BTLA: variants seen among roughly 807,000 people sequenced by gnomAD.
BTLA encodes B- and T-lymphocyte attenuator.
Under a neutral mutation model 25.0 loss-of-function variants are expected in BTLA, and 11 were observed. The observed-to-expected ratio is 0.44, with a 90% CI of 0.28 to 0.73. The LOEUF is 0.73. BTLA is among the 30% of genes least tolerant of loss of function. The pLI is 0.15. For synonymous variants in BTLA, 104 were observed against 119.8 expected, an observed-to-expected ratio of 0.87 and a Z score of 0.86; for missense variants, 282 against 332.8, an observed-to-expected ratio of 0.85 and a Z score of 1.19.
chr3:112,490,604 AACACACACACACAC>A (rs55894234), intron 1 of BTLA, among the ~76,000 whole-genome samples: 5 of 142,258 alleles, frequency 3.5e-5, no homozygotes, highest in Non-Finnish European at 7.7e-5. Flanking sequence ...TCCCTGGGTA[AACACACACACACAC>A]ACACACACAC....
At chr3:112,490,627 ACAC>A (rs2107335628) in intron 1 of BTLA, among the ~76,000 whole-genome samples, 1 of 151,848 alleles carries the variant, frequency 6.6e-6, no homozygotes, top group Admixed American at 6.6e-5. Context: ...ACACACACAC[ACAC>A]ACACACACAC....
Position 112,465,237 on chromosome 3 carries a change from A to C in BTLA, c.*871T>G, listed in dbSNP as rs550676583. On this transcript the variant is annotated 3_prime_UTR_variant, in exon 5 of 5. Coordinates refer to ENST00000334529, the MANE Select transcript of BTLA (RefSeq NM_181780.4). ...TCCTCCATTCCATTAATTGCACTTT[A>C]ACTTGCTATCAAGTCAAGCATGAAG... is the stretch of plus-strand genomic sequence containing the variant. 29 of 152,768 alleles carry C rather than the reference A, an allele frequency of 1.9e-4. No homozygotes were observed. The highest frequency in any genetic ancestry group is 6.7e-4 in the African/African-American group (28 of 41,572). 9.5% of individuals were successfully genotyped at this position (152,768 alleles called of 1,614,324 possible).
intron 1 of BTLA, 60 bp downstream of exon 1, chr3:112,499,211 A>AT: frequency 8.4e-7 from 1 of 1,191,564 alleles, no homozygotes; most frequent in South Asian, 1.2e-5. Context: ...GCAAGGGAGA[A>AT]TGTTGCCTCC....
chr3:112,469,262 A>T (rs549564680), intron 4 of BTLA, among the ~76,000 whole-genome samples: 1 of 152,252 alleles, frequency 6.6e-6, no homozygotes, highest in East Asian at 1.9e-4. Context: ...CCTCTGTGTA[A>T]TAACTAAGCC....
intron 3 of BTLA, 95 bp downstream of exon 3, chr3:112,471,117 G>C: frequency 7.3e-7 from 1 of 1,377,930 alleles, no homozygotes; most frequent in Non-Finnish European, 9.7e-7. Context: ...GATTGGGAAA[G>C]AAAACAACAG....
chr3:112,470,550 TCTCTATGCTTTC>T (rs1160645717), intron 3 of BTLA: 2 of 152,196 alleles, frequency 1.3e-5, no homozygotes, highest in African/African-American at 4.8e-5. Flanking sequence ...AGATCAGAAT[TCTCTATGCTTTC>T]CTCTCTTACT....
chr3:112,493,514 GT>G (rs35165184), intron 1 of BTLA, among the ~76,000 whole-genome samples: 1 of 151,142 alleles, frequency 6.6e-6, no homozygotes, highest in South Asian at 2.1e-4. Flanking sequence ...AGTTCTCTCT[GT>G]TTTTTTTTGG....
intron 4 of BTLA, among the ~76,000 whole-genome samples, chr3:112,467,810 G>T (rs2082238303): frequency 6.6e-6 from 1 of 152,176 alleles, no homozygotes; most frequent in African/African-American, 2.4e-5. Context: ...TCAGTAGGTG[G>T]CACACTAAAG....
At chr3:112,481,301 C>A (rs543847499) in intron 1 of BTLA, among the ~76,000 whole-genome samples, 2 of 152,302 alleles carry the variant, frequency 1.3e-5, no homozygotes, top group African/African-American at 4.8e-5. Flanking sequence ...CTTCCTGGGC[C>A]CTCAGGCTGT....
chr3:112,466,220 G>C lies in BTLA; in HGVS notation c.758C>G (p.Pro253Arg), dbSNP rs1210528115. Reference sequence around the variant, plus strand: ...GTTCAGGGAAGCATAAACAATGCCTGGTTTGTTTTCTTCCAGGCATGGATT... The same window carrying C: ...GTTCAGGGAAGCATAAACAATGCCTCGTTTGTTTTCTTCCAGGCATGGATT... ...YSNPCLEENK[P>R]GIVYASLNHS... Residue 253 changes from proline (P) to arginine (R), a missense_variant, in exon 5 of 5, where the codon CCA (proline) becomes CGA (arginine). Coordinates refer to ENST00000334529, the MANE Select transcript of BTLA (RefSeq NM_181780.4). 1.9e-6 allele frequency: 3 copies of C among 1,613,952 alleles called. No homozygotes were observed. The highest frequency in any genetic ancestry group is 2.5e-6 in the Non-Finnish European group (3 of 1,179,920).
At chr3:112,484,755 G>A (rs1208009259) in intron 1 of BTLA, among the ~76,000 whole-genome samples, 2 of 152,184 alleles carry the variant, frequency 1.3e-5, no homozygotes, top group Non-Finnish European at 2.9e-5. Context: ...TTTTGTGTTG[G>A]TGGCATCACT....
At chr3:112,483,722 C>T (rs2082330770) in intron 1 of BTLA, among the ~76,000 whole-genome samples, 1 of 151,750 alleles carries the variant, frequency 6.6e-6, no homozygotes, top group Non-Finnish European at 1.5e-5. Flanking sequence ...AATCCCAGCA[C>T]TTTGGGAGGC....
At chr3:112,494,454 C>T (rs990632055) in intron 1 of BTLA, among the ~76,000 whole-genome samples, 5 of 152,102 alleles carry the variant, frequency 3.3e-5, no homozygotes, top group Admixed American at 6.5e-5. Context: ...CACATGCACA[C>T]GTATGTTTAT....
At position 112,466,375 on chromosome 3, in the gene BTLA, A is replaced by G. The variant is rs1459052695; in HGVS notation, c.603T>C (p.Ala201=). The G allele has an allele frequency of 5.7e-6, 9 of 1,587,260 alleles. No individual in the cohort carries two copies. The highest frequency in any genetic ancestry group is 6.9e-6 in the Non-Finnish European group (8 of 1,164,522). Residue 201 remains alanine, a synonymous_variant, in exon 5 of 5, where the codon GCT becomes GCC. Coordinates refer to ENST00000334529, the MANE Select transcript of BTLA (RefSeq NM_181780.4). ...TAGREINLVD[A]HLKSEQTEAS... ...CTTCTGTTTGCTCACTCTTAAGGTG[A>G]GCATCAACCTACAATAGAAAAAAAG...
intron 1 of BTLA, among the ~76,000 whole-genome samples, chr3:112,486,971 A>G (rs924731588): frequency 9.2e-5 from 14 of 152,210 alleles, no homozygotes; most frequent in Non-Finnish European, 1.9e-4. Context: ...GTAGTACCAC[A>G]GAGATGAGGA....
At chr3:112,477,518 C>A (rs947047655) in intron 2 of BTLA, among the ~76,000 whole-genome samples, 3 of 151,832 alleles carry the variant, frequency 2.0e-5, no homozygotes, top group African/African-American at 7.3e-5. Flanking sequence ...AAGTCCTTTG[C>A]TCATTTTAAA....
intron 1 of BTLA, among the ~76,000 whole-genome samples, chr3:112,498,595 T>C (rs1311871847): frequency 7.9e-6 from 1 of 126,636 alleles, no homozygotes; most frequent in African/African-American, 3.2e-5. Context: ...TTTTTTTGCC[T>C]GTATAAAGTC....
intron 1 of BTLA, among the ~76,000 whole-genome samples, chr3:112,481,899 C>T (rs1317559712): frequency 2.0e-5 from 3 of 152,130 alleles, no homozygotes; most frequent in Non-Finnish European, 2.9e-5. Flanking sequence ...AAATGCTTTG[C>T]GGCTTAGATA....
At chr3:112,495,065 G>A (rs922039903) in intron 1 of BTLA, among the ~76,000 whole-genome samples, 3 of 152,128 alleles carry the variant, frequency 2.0e-5, no homozygotes, top group African/African-American at 4.8e-5. Flanking sequence ...ACACAGCACT[G>A]AATGGCATGC....
Sources: gnomAD v4.1 joint callset for allele counts (sites outside exome capture counted in the v4.1 genomes callset) on GRCh38, gnomAD v4.1.1 for gene constraint, MANE v1.5 for transcripts, NCBI Gene and HGNC (gene_info 2026-07-23, HGNC 2026-07-21) for gene names.